RAD18: variants seen among roughly 807,000 people sequenced by gnomAD.
The protein encoded by RAD18 is E3 ubiquitin-protein ligase RAD18.
RAD18 carries 47 observed loss-of-function variants against 60.4 expected under a neutral mutation model. The observed-to-expected ratio is 0.78, with a 90% confidence interval of 0.62 to 0.99. The LOEUF (loss-of-function observed/expected upper bound fraction) is 0.99, where lower values mean the gene tolerates loss of function less well. Among genes scored for constraint, RAD18 ranks in the 50% least tolerant of loss-of-function variants. The pLI, the probability that RAD18 is intolerant of heterozygous loss-of-function variation, is 0.00. For synonymous variants in RAD18, 225 were observed against 195.5 expected, an observed-to-expected ratio of 1.15 and a Z score of -1.26; for missense variants, 640 against 593.3, an observed-to-expected ratio of 1.08 and a Z score of -0.82.
chr3:8,905,200 C>T (rs189825842), intron 9 of RAD18, among the ~76,000 whole-genome samples: 1 of 152,316 alleles, frequency 6.6e-6, no homozygotes, highest in East Asian at 1.9e-4. Flanking sequence ...CTCAGCTAGT[C>T]GTGGGAGTGT....
rs567658764 is a variant in RAD18, at chr3:8,891,300, C to A, written c.1323-849G>T. The stretch of plus-strand genomic sequence containing the variant: ...GAGTAAAGTAAGCTTCTTGCCAACA[C>A]CCCCCTGTGCTCCACAACACACACA... On this transcript the variant is annotated intron_variant, in intron 11 of 12. Coordinates refer to ENST00000264926, the MANE Select transcript of RAD18 (RefSeq NM_020165.4). Among the ~76,000 whole-genome samples the A allele has an allele frequency of 5.3e-5, 8 of 151,900 alleles. No homozygotes were observed. In the East Asian group the frequency reaches 1.2e-3, roughly 22 times the overall value.
Position 8,877,140 on chromosome 3 carries a change from T to A in RAD18, c.*4217A>T, listed in dbSNP as rs1464172115. 1 of 152,244 alleles carries A rather than the reference T, an allele frequency of 6.6e-6. No individual in the cohort carries two copies. The highest frequency in any genetic ancestry group is 2.4e-5 in the African/African-American group (1 of 41,462). The allele number at this position is 152,244 out of a possible 1,614,324, so 9.4% of individuals were successfully genotyped here. On this transcript the variant is annotated 3_prime_UTR_variant, in exon 13 of 13. Transcript: ENST00000264926. ...TCAAAGGAGTCAGAAGATGCATGCA[T>A]CAGTTTCTGGGTGTCCATTTGTGCT...
rs1307278462 is a variant in RAD18, at chr3:8,880,685, T to C, written c.*672A>G. 1 of 152,260 alleles carries C rather than the reference T, an allele frequency of 6.6e-6. No individual in the cohort carries two copies. The highest frequency in any genetic ancestry group is 6.5e-5 in the Admixed American group (1 of 15,286). The allele number at this position is 152,260 out of a possible 1,614,324, so 9.4% of individuals were successfully genotyped here. ...AATACTGACACTAATCATTTTTAAG[T>C]GCTATTTCAGAAGAATATGCGCAAT... On this transcript the variant is annotated 3_prime_UTR_variant, in exon 13 of 13. Coordinates refer to ENST00000264926, the MANE Select transcript of RAD18 (RefSeq NM_020165.4).
At chr3:8,940,913 G>A (rs1940735420) in intron 5 of RAD18, among the ~76,000 whole-genome samples, 1 of 152,188 alleles carries the variant, frequency 6.6e-6, no homozygotes, top group African/African-American at 2.4e-5. Flanking sequence ...AGAATAGGGT[G>A]GGTATGTGAA....
intron 9 of RAD18, among the ~76,000 whole-genome samples, chr3:8,906,689 T>G (rs1230398636): frequency 1.0e-5 from 1 of 100,462 alleles, no homozygotes; most frequent in African/African-American, 2.7e-5. Flanking sequence ...TTCACCTCGT[T>G]TTCTAGATTT....
intron 4 of RAD18, among the ~76,000 whole-genome samples, chr3:8,944,696 G>C (rs1346112384): frequency 6.6e-6 from 1 of 151,814 alleles, no homozygotes; most frequent in Non-Finnish European, 1.5e-5. Context: ...GGAAGGAAAA[G>C]TCTTGTCCAT....
intron 11 of RAD18, 100 bp downstream of exon 11, chr3:8,898,794 T>C: frequency 9.6e-7 from 1 of 1,039,188 alleles, no homozygotes; most frequent in Non-Finnish European, 1.4e-6. Flanking sequence ...TGACACACCA[T>C]GCCATGCCTC....
At chr3:8,881,645 C>G (rs1290280057) in intron 12 of RAD18, among the ~76,000 whole-genome samples, 186 bp from the exon 13 acceptor site, 1 of 152,128 alleles carries the variant, frequency 6.6e-6, no homozygotes, top group Non-Finnish European at 1.5e-5. Context: ...TAGCAAAGAT[C>G]ACAGATAGTA....
At chr3:8,959,032 A>T in intron 1 of RAD18, 31 bp from the exon 2 acceptor site, 1 of 1,561,044 alleles carries the variant, frequency 6.4e-7, no homozygotes, top group Non-Finnish European at 8.8e-7. Flanking sequence ...TATACATATC[A>T]GAAAGACATC....
chr3:8,910,283 CA>C (rs1940084349), intron 9 of RAD18, among the ~76,000 whole-genome samples: 1 of 152,134 alleles, frequency 6.6e-6, no homozygotes, highest in African/African-American at 2.4e-5. Flanking sequence ...AATAGTTAAA[CA>C]AACAAAAGAG....
rs558534500 is a variant in RAD18, at chr3:8,927,967, A to C, written c.889+7904T>G. Among the ~76,000 whole-genome samples the C allele has an allele frequency of 5.7e-4, 86 of 150,918 alleles. No individual in the cohort carries two copies. The South Asian group carries it at 6.7e-3, about 12-fold the overall frequency. ...GGAGATATACCTAATGTAAATGACGAGTTAGTGGGGGCAGCACACCAACAT... is the reference window on the plus strand; with the variant it reads ...GGAGATATACCTAATGTAAATGACGCGTTAGTGGGGGCAGCACACCAACAT... On this transcript the variant is annotated intron_variant, in intron 7 of 12. Transcript: ENST00000264926.
chr3:8,892,815 G>GA (rs1445748510), intron 11 of RAD18, among the ~76,000 whole-genome samples: 2 of 152,162 alleles, frequency 1.3e-5, no homozygotes, highest in African/African-American at 4.8e-5. Flanking sequence ...GTTAGTTAGA[G>GA]AAAAAACCCT....
chr3:8,902,977 G>T (rs1939940174), intron 9 of RAD18, among the ~76,000 whole-genome samples: 1 of 151,360 alleles, frequency 6.6e-6, no homozygotes, highest in Admixed American at 6.6e-5. Flanking sequence ...AGTGACCCGA[G>T]ATTGCACCAC....
chr3:8,901,623 TG>T (rs1939914670), intron 10 of RAD18, among the ~76,000 whole-genome samples: 1 of 152,144 alleles, frequency 6.6e-6, no homozygotes, highest in East Asian at 1.9e-4. Context: ...AAAGTGGAAT[TG>T]TTATTACCAG....
chr3:8,939,405 G>C, intron 6 of RAD18, 149 bp downstream of exon 6: 1 of 547,510 alleles, frequency 1.8e-6, no homozygotes, highest in South Asian at 3.3e-5. Flanking sequence ...GAGAGGGATT[G>C]GAAGAAGTGG....
Position 8,920,293 on chromosome 3 carries a change from A to G in RAD18, c.890-6573T>C, listed in dbSNP as rs531437943. Among the ~76,000 whole-genome samples, 421 of 151,438 alleles carry G rather than the reference A, an allele frequency of 2.8e-3. 6 individuals carry two copies. The highest frequency in any genetic ancestry group is 2.8e-3 in the Non-Finnish European group (191 of 67,874). ...GACTCCGTCTCAAAAAAAAAAAAAA[A>G]AAAAAGAAAAAGAAAATAATAATAA... On this transcript the variant is annotated intron_variant, in intron 7 of 12. Transcript: ENST00000264926.
At chr3:8,927,107 T>G (rs1468677078) in intron 7 of RAD18, among the ~76,000 whole-genome samples, 3 of 152,126 alleles carry the variant, frequency 2.0e-5, no homozygotes, top group Admixed American at 6.5e-5. Context: ...GAAACTACCA[T>G]CAGAGTGAGC....
intron 7 of RAD18, among the ~76,000 whole-genome samples, chr3:8,932,606 C>T (rs780844004): frequency 1.2e-4 from 19 of 152,284 alleles, no homozygotes; most frequent in Non-Finnish European, 2.4e-4. Flanking sequence ...CTTATAGTTA[C>T]ATTTACCATA....
intron 12 of RAD18, among the ~76,000 whole-genome samples, chr3:8,886,532 C>A (rs997907121): frequency 2.6e-5 from 4 of 152,216 alleles, no homozygotes; most frequent in African/African-American, 9.6e-5. Context: ...TAAACACTGA[C>A]TGACTGACTG....
Sources: gnomAD v4.1 joint callset for allele counts (sites outside exome capture counted in the v4.1 genomes callset) on GRCh38, gnomAD v4.1.1 for gene constraint, MANE v1.5 for transcripts, NCBI Gene and HGNC (gene_info 2026-07-23, HGNC 2026-07-21) for gene names.